Variants in NCKAP5 observed in about 807,000 individuals in gnomAD.
The protein encoded by NCKAP5 is NCK associated protein 5.
Under a neutral mutation model 167.0 loss-of-function variants are expected in NCKAP5, and 92 were observed. The ratio of observed to expected loss-of-function variants is 0.55; its 90% CI spans 0.47 to 0.66. The LOEUF is 0.66. Ranked by LOEUF, NCKAP5 falls within the 30% of genes least tolerant of loss-of-function variation. The pLI, the probability that NCKAP5 is intolerant of heterozygous loss-of-function variation, is 0.00. For missense variants in NCKAP5, 2,378 were observed against 2,315.0 expected, an observed-to-expected ratio of 1.03 and a Z score of -0.56; for synonymous variants, 891 against 877.4, an observed-to-expected ratio of 1.02 and a Z score of -0.27.
intron 4 of NCKAP5, among the ~76,000 whole-genome samples, chr2:133,296,823 T>G (rs960356344): frequency 6.6e-6 from 1 of 152,222 alleles, no homozygotes; most frequent in African/African-American, 2.4e-5. Context: ...TGTAGTATTA[T>G]GCTGCTCTCA....
rs1553649423 is a variant in NCKAP5 at position 133,474,808 on chromosome 2, T to TTG, written c.69+42649_69+42650insCA. ...GAAGCCAGAATTCTAGGGTTTTTTT[T>TTG]TTGTTGTTGTTGTTGTTTTTGAGAC... is the stretch of plus-strand genomic sequence containing the variant. On this transcript the variant is annotated intron_variant, in intron 3 of 19. Transcript: ENST00000409261. 2.4e-4 allele frequency among the ~76,000 whole-genome samples: 37 copies of TTG among 151,974 alleles called. No individual in the cohort carries two copies. In the South Asian group the frequency reaches 7.5e-3, roughly 31 times the overall value.
At chr2:132,877,489 C>T (rs551988515) in intron 9 of NCKAP5, among the ~76,000 whole-genome samples, 5 of 152,266 alleles carry the variant, frequency 3.3e-5, no homozygotes, top group African/African-American at 1.2e-4. Context: ...ACACATAGGT[C>T]GCTGAGCCCT....
intron 3 of NCKAP5, among the ~76,000 whole-genome samples, chr2:133,318,353 C>A (rs1681763546): frequency 6.6e-6 from 1 of 152,206 alleles, no homozygotes; most frequent in Admixed American, 6.5e-5. Flanking sequence ...GCTTCTTCTG[C>A]TCTCAACTCT....
intron 4 of NCKAP5, among the ~76,000 whole-genome samples, chr2:133,272,066 A>C (rs1328629139): frequency 6.6e-6 from 1 of 152,072 alleles, no homozygotes; most frequent in Non-Finnish European, 1.5e-5. Flanking sequence ...CATGCTCAAA[A>C]AGTAATTATA....
chr2:133,377,157 T>C (rs530515567), intron 3 of NCKAP5, among the ~76,000 whole-genome samples: 10 of 152,348 alleles, frequency 6.6e-5, no homozygotes, highest in African/African-American at 2.4e-4. Flanking sequence ...CATTCATTTG[T>C]AGCCATCCAC....
chr2:133,487,243 G>A lies in NCKAP5; in HGVS notation c.69+30215C>T, dbSNP rs144036521. ...TTATAGACACAATGGAGGGAAAAAT[G>A]AGGAAAACTCAGGAGGAGTAGAGAG... On this transcript the variant is annotated intron_variant, in intron 3 of 19. Coordinates refer to ENST00000409261, the MANE Select transcript of NCKAP5 (RefSeq NM_207363.3). Among the ~76,000 whole-genome samples the A allele has an allele frequency of 3.5e-3, 528 of 152,290 alleles. 2 individuals are homozygous for A. Among genetic ancestry groups the A allele is most frequent in the African/African-American group, 0.012 (496 of 41,556 alleles).
At chr2:132,967,174 C>T (rs900956494) in intron 7 of NCKAP5, among the ~76,000 whole-genome samples, 6 of 149,102 alleles carry the variant, frequency 4.0e-5, no homozygotes, top group Non-Finnish European at 8.9e-5. Flanking sequence ...CACACACACA[C>T]ACACACACAC....
At chr2:132,925,857 C>T (rs1002971447) in intron 8 of NCKAP5, among the ~76,000 whole-genome samples, 3 of 152,144 alleles carry the variant, frequency 2.0e-5, no homozygotes, top group African/African-American at 7.2e-5. Context: ...GATTTCCTGA[C>T]CACCAGGTGT....
chr2:132,874,020 T>C (rs1042910496), intron 9 of NCKAP5, among the ~76,000 whole-genome samples: 3 of 151,806 alleles, frequency 2.0e-5, no homozygotes, highest in African/African-American at 7.3e-5. Flanking sequence ...AAGGAGTAGA[T>C]CATCTGTAAT....
At chr2:133,189,594 G>C (rs2085114460) in intron 5 of NCKAP5, among the ~76,000 whole-genome samples, 1 of 152,152 alleles carries the variant, frequency 6.6e-6, no homozygotes, top group East Asian at 1.9e-4. Context: ...CCACGATCAA[G>C]TTGGTTTCAC....
chr2:133,333,367 G>A (rs80236647), intron 3 of NCKAP5, among the ~76,000 whole-genome samples: 22 of 152,156 alleles, frequency 1.4e-4, no homozygotes, highest in African/African-American at 4.8e-4. Context: ...GAAAGGCTAC[G>A]GAGTCACTGG....
intron 11 of NCKAP5, among the ~76,000 whole-genome samples, chr2:132,841,048 G>C (rs1267832428): frequency 6.6e-6 from 1 of 152,072 alleles, no homozygotes; most frequent in African/African-American, 2.4e-5. Context: ...TACATAGTAA[G>C]ATCTATTTCT....
chr2:133,413,905 G>A (rs1295584769), intron 3 of NCKAP5, among the ~76,000 whole-genome samples: 1 of 152,168 alleles, frequency 6.6e-6, no homozygotes, highest in Non-Finnish European at 1.5e-5. Context: ...TAGAGGGACG[G>A]AGTTAAAGAC....
the NCKAP5 span, among the ~76,000 whole-genome samples, chr2:133,671,225 A>C: frequency 6.6e-6 from 1 of 151,192 alleles, no homozygotes; most frequent in African/African-American, 2.4e-5. Context: ...AAAAAAAAAA[A>C]AAAAAAAAAA....
chr2:133,574,739 C>G, the NCKAP5 span, among the ~76,000 whole-genome samples: 2 of 151,882 alleles, frequency 1.3e-5, no homozygotes, highest in East Asian at 1.9e-4. Flanking sequence ...TTCAAGGGCC[C>G]TTCAGAAAAG....
intron 4 of NCKAP5, among the ~76,000 whole-genome samples, chr2:133,287,607 A>T (rs1394039120): frequency 6.6e-6 from 1 of 152,256 alleles, no homozygotes; most frequent in Non-Finnish European, 1.5e-5. Flanking sequence ...GATGTGTAAC[A>T]GAAGTGTAAG....
At chr2:132,779,078 C>T (rs926135020) in intron 15 of NCKAP5, among the ~76,000 whole-genome samples, 4 of 152,132 alleles carry the variant, frequency 2.6e-5, no homozygotes, top group Admixed American at 2.6e-4. Flanking sequence ...CTGGAAAAAT[C>T]ATCATATGGA....
chr2:132,695,292 A>AG (rs1687197214), intron 19 of NCKAP5, among the ~76,000 whole-genome samples: 1 of 152,154 alleles, frequency 6.6e-6, no homozygotes, highest in Non-Finnish European at 1.5e-5. Flanking sequence ...GGAAAAAAAA[A>AG]GTCTGTTATT....
chr2:132,860,719 T>A, intron 10 of NCKAP5, 108 bp from the exon 11 acceptor site: 1 of 1,321,444 alleles, frequency 7.6e-7, no homozygotes, highest in Non-Finnish European at 1.0e-6. Context: ...ACGGTATTTT[T>A]ATTCTTCAAA....
Sources: allele counts gnomAD v4.1 joint callset (sites outside exome capture counted in the v4.1 genomes callset), GRCh38; gene constraint gnomAD v4.1.1; transcripts MANE v1.5; gene names NCBI Gene and HGNC (gene_info 2026-07-23, HGNC 2026-07-21).